ARSG: variants seen among roughly 807,000 people sequenced by gnomAD.
The protein encoded by ARSG is arylsulfatase G.
A neutral mutation model predicts 50.5 loss-of-function variants in ARSG; 37 were observed. That is an observed-to-expected ratio of 0.73 (90% CI 0.56 to 0.96). ARSG has a LOEUF of 0.96. ARSG is among the 50% of genes least tolerant of loss of function. The pLI is 0.00. For missense variants in ARSG, 629 were observed against 675.3 expected (o/e 0.93, Z 0.76); for synonymous variants, 225 against 254.6 (o/e 0.88, Z 1.11).
chr17:68,364,975 A>G (rs796596175), intron 6 of ARSG, among the ~76,000 whole-genome samples: 22 of 152,268 alleles, frequency 1.4e-4, no homozygotes, highest in African/African-American at 5.3e-4. Context: ...ATCCTTGGGC[A>G]TCATTTATGC....
downstream of ARSG, chr17:68,427,178 C>T (rs762158869): frequency 1.6e-5 from 26 of 1,613,942 alleles, no homozygotes; most frequent in African/African-American, 4.0e-5. Context: ...TGGCTACGGT[C>T]GCTGCATAAG....
At chr17:68,427,349 G>C (rs2083265098), downstream of ARSG, 2 of 904,378 alleles carry the variant, frequency 2.2e-6, no homozygotes, top group Non-Finnish European at 3.5e-6. Context: ...CCTGTGCTCA[G>C]CTCTGTGGGT....
At chr17:68,441,275 A>G in the ARSG span, among the ~76,000 whole-genome samples, 1 of 152,216 alleles carries the variant, frequency 6.6e-6, no homozygotes, top group Non-Finnish European at 1.5e-5. Flanking sequence ...CGGGCATGAC[A>G]CAAACAGACA....
chr17:68,272,014 G>A (rs1273447239), intron 1 of ARSG, among the ~76,000 whole-genome samples: 5 of 152,090 alleles, frequency 3.3e-5, no homozygotes, highest in Admixed American at 2.0e-4. Flanking sequence ...TGTTGGCCAG[G>A]ATGGTCTCGA....
intron 8 of ARSG, among the ~76,000 whole-genome samples, chr17:68,384,413 G>T (rs2080597279): frequency 6.6e-6 from 1 of 152,162 alleles, no homozygotes; most frequent in Admixed American, 6.5e-5. Flanking sequence ...GAAATTCATA[G>T]ATTGCACGTA....
chr17:68,338,082 T>G (rs1358457804), intron 2 of ARSG, among the ~76,000 whole-genome samples: 3 of 152,196 alleles, frequency 2.0e-5, no homozygotes, highest in African/African-American at 7.2e-5. Context: ...AAAAACTGGC[T>G]TCCCTGAATA....
At chr17:68,284,093 G>A (rs1370097787) in intron 1 of ARSG, among the ~76,000 whole-genome samples, 10 of 118,344 alleles carry the variant, frequency 8.4e-5, no homozygotes, top group Non-Finnish European at 1.6e-4. Context: ...AATAGAGTGA[G>A]ACTCTGTCTC....
downstream of ARSG, chr17:68,421,030 C>T (rs144006211): frequency 2.8e-3 from 440 of 155,584 alleles, 1 homozygote; most frequent in African/African-American, 0.01. Context: ...ATCCGGATTC[C>T]GTCTCAGTAG....
chr17:68,384,529 A>G (rs1448809931), intron 8 of ARSG, among the ~76,000 whole-genome samples: 1 of 152,242 alleles, frequency 6.6e-6, no homozygotes, highest in East Asian at 1.9e-4. Context: ...AAGCAAAGCA[A>G]AACAAAATAA....
chr17:68,372,292 TGATC>T (rs373632115), intron 8 of ARSG, among the ~76,000 whole-genome samples: 2 of 138,256 alleles, frequency 1.4e-5, no homozygotes, highest in South Asian at 2.3e-4. Flanking sequence ...ATCTATCAAT[TGATC>T]GATCGATCGA....
intron 2 of ARSG, among the ~76,000 whole-genome samples, chr17:68,315,107 G>A (rs1452623145): frequency 5.9e-5 from 9 of 152,242 alleles, no homozygotes; most frequent in East Asian, 1.9e-4. Context: ...TAAGTAACAC[G>A]CCCAGAGTTG....
Position 68,271,643 on chromosome 17 carries a change from G to T in ARSG, c.-552+12217G>T, listed in dbSNP as rs1555748909. On this transcript the variant is annotated intron_variant, in intron 1 of 11. Transcript: ENST00000448504. This position sits in a 1 kb window ranked among gnomAD's most constrained non-coding sequence, Gnocchi z 5.3. ...TATCTCCAGCCAATGCGCTCCTTCA[G>T]AGCCATGATTGCTTGAATAGGCAGG... is the stretch of plus-strand genomic sequence containing the variant. The T allele has an allele frequency of 6.2e-7, 1 of 1,611,550 alleles. No individual in the cohort carries two copies. Among genetic ancestry groups the T allele is most frequent in the Admixed American group, 1.7e-5 (1 of 59,920 alleles).
chr17:68,378,660 G>A lies in ARSG; in HGVS notation c.983-6404G>A, dbSNP rs2080275387. ...CCAGCAGCCGCCTTCCCTTCTCCAT[G>A]CCAGATCTGTTTCCTACCCAGGACA... On this transcript the variant is annotated intron_variant, in intron 8 of 11. Coordinates refer to ENST00000621439, the MANE Select transcript of ARSG (RefSeq NM_001267727.2). The surrounding 1 kb of genome is among the most constrained non-coding windows in gnomAD (Gnocchi z 4.4). 6.6e-6 allele frequency among the ~76,000 whole-genome samples: 1 copy of A among 152,136 alleles called. No homozygotes were observed. Among genetic ancestry groups the A allele is most frequent in the Non-Finnish European group, 1.5e-5 (1 of 68,028 alleles).
chr17:68,368,137 A>G (rs2079637980), intron 6 of ARSG, among the ~76,000 whole-genome samples: 1 of 152,208 alleles, frequency 6.6e-6, no homozygotes, highest in Non-Finnish European at 1.5e-5. Flanking sequence ...TGCAAAATAA[A>G]ATTTAAAGGT....
chr17:68,438,550 T>A, the ARSG span, among the ~76,000 whole-genome samples: 1 of 152,124 alleles, frequency 6.6e-6, no homozygotes, highest in Non-Finnish European at 1.5e-5. Flanking sequence ...AACTAAAGAG[T>A]TAAGACCTTA....
At chr17:68,323,769 C>A (rs1555771417) in intron 2 of ARSG, among the ~76,000 whole-genome samples, 1 of 152,114 alleles carries the variant, frequency 6.6e-6, no homozygotes, top group East Asian at 1.9e-4. Context: ...ATCCCAGACC[C>A]ACTGTCAAAG....
At chr17:68,440,263 C>G in the ARSG span, among the ~76,000 whole-genome samples, 1 of 152,168 alleles carries the variant, frequency 6.6e-6, no homozygotes, top group East Asian at 1.9e-4. Context: ...TTCCCTATGG[C>G]CCAAGTGTCA....
downstream of ARSG, chr17:68,425,874 T>C (rs1026221523): frequency 5.4e-6 from 3 of 551,528 alleles, no homozygotes; most frequent in Admixed American, 6.4e-5. Context: ...CATCAGGGTT[T>C]AGCTCGACAC....
chr17:68,428,995 T>C, the ARSG span: 1 of 1,344,556 alleles, frequency 7.4e-7, no homozygotes, highest in Admixed American at 1.8e-5. Context: ...TGGATTCGCT[T>C]CCAATGACAA....
Sources: gnomAD v4.1 joint callset for allele counts (sites outside exome capture counted in the v4.1 genomes callset) on GRCh38, gnomAD v4.1.1 for gene constraint, Gnocchi (gnomAD v3.1) non-coding constraint, MANE v1.5 for transcripts, NCBI Gene and HGNC (gene_info 2026-07-23, HGNC 2026-07-21) for gene names.